Variants in CADM2 observed in about 807,000 individuals in gnomAD.
The protein encoded by CADM2 is cell adhesion molecule 2.
CADM2 carries 12 observed loss-of-function variants against 49.8 expected under a neutral mutation model. The ratio of observed to expected loss-of-function variants is 0.24; its 90% CI spans 0.15 to 0.39. The LOEUF is 0.39. CADM2 is among the 10% of genes least tolerant of loss of function. The probability of loss-of-function intolerance (pLI) is 1.00; values close to 1 mark genes in which losing one functional copy is unlikely to be tolerated. For synonymous variants in CADM2, 214 were observed against 175.4 expected (o/e 1.22, Z -1.74); for missense variants, 378 against 492.3 (o/e 0.77, Z 2.20).
Position 85,737,562 on chromosome 3 carries a change from CT to C in CADM2, c.88+11027del, listed in dbSNP as rs3044022. 1.0e-3 allele frequency among the ~76,000 whole-genome samples: 143 copies of C among 141,730 alleles called. 1 individual carries two copies. The South Asian group carries it at 0.012, about 12-fold the overall frequency. 93.0% of individuals were successfully genotyped at this position (141,730 alleles called of 152,430 possible). On this transcript the variant is annotated intron_variant, in intron 2 of 9. Coordinates refer to ENST00000383699, the MANE Select transcript of CADM2 (RefSeq NM_001167675.2). ...ATTAATTTAATTCATTCTTTTCTTT[CT>C]TTTTTTTTTTTTGAGACGGAGTTTC...
intron 1 of CADM2, among the ~76,000 whole-genome samples, chr3:85,477,826 A>C (rs2039041897): frequency 6.6e-6 from 1 of 151,920 alleles, no homozygotes; most frequent in Non-Finnish European, 1.5e-5. Context: ...ATTTAGCAGA[A>C]ACTCCATCTG....
At chr3:85,513,695 T>C (rs1328611648) in intron 1 of CADM2, among the ~76,000 whole-genome samples, 1 of 152,042 alleles carries the variant, frequency 6.6e-6, no homozygotes, top group Non-Finnish European at 1.5e-5. Context: ...TTCCAGTTAA[T>C]TGATGCTTTA....
chr3:85,852,115 T>G (rs2075131246), intron 3 of CADM2, among the ~76,000 whole-genome samples: 1 of 152,110 alleles, frequency 6.6e-6, no homozygotes, highest in Admixed American at 6.5e-5. Flanking sequence ...TAATCTGTAA[T>G]GAGTTGGATT....
chr3:85,620,980 T>C (rs533822247), intron 1 of CADM2, among the ~76,000 whole-genome samples: 1 of 152,276 alleles, frequency 6.6e-6, no homozygotes, highest in East Asian at 1.9e-4. Context: ...AGACTTCCAC[T>C]TTTAATTAAG....
chr3:85,162,748 C>T (rs1163300363), intron 1 of CADM2, among the ~76,000 whole-genome samples: 1 of 151,768 alleles, frequency 6.6e-6, no homozygotes, highest in East Asian at 1.9e-4. Context: ...GGAATTTTAA[C>T]TTTTGCCTAT....
chr3:85,416,756 T>A (rs2035938987), intron 1 of CADM2, among the ~76,000 whole-genome samples: 1 of 152,186 alleles, frequency 6.6e-6, no homozygotes. Flanking sequence ...TAAGTCTATA[T>A]GTATACACAT....
At position 85,448,281 on chromosome 3, in the gene CADM2, C is replaced by G. The variant is rs1268771287; in HGVS notation, c.62-278241C>G. ...CCGGAAGGCGGAGCTTGCAGTGAGC[C>G]GAGATCGCGCCACTGCACTCCAGCC... On this transcript the variant is annotated intron_variant, in intron 1 of 9. Transcript: ENST00000383699. 3.5e-5 allele frequency among the ~76,000 whole-genome samples: 5 copies of G among 144,836 alleles called. No homozygotes were observed. The South Asian group carries it at 6.5e-4, about 19-fold the overall frequency.
intron 8 of CADM2, among the ~76,000 whole-genome samples, chr3:85,995,071 A>T (rs1729222646): frequency 6.6e-6 from 1 of 150,634 alleles, no homozygotes; most frequent in Non-Finnish European, 1.5e-5. Flanking sequence ...GAAGCACAAT[A>T]AAATGAAATA....
At chr3:85,810,393 C>T (rs1448611) in intron 3 of CADM2, among the ~76,000 whole-genome samples, 8,049 of 152,152 alleles carry the variant, frequency 0.053, 364 homozygotes, top group East Asian at 0.19. Flanking sequence ...GAGATTTCTA[C>T]ATACCCAATT....
intron 1 of CADM2, among the ~76,000 whole-genome samples, chr3:85,708,712 G>A (rs2107731255): frequency 6.6e-6 from 1 of 152,140 alleles, no homozygotes; most frequent in Non-Finnish European, 1.5e-5. Context: ...TTCCAGTTTT[G>A]GCTTTTATTT....
At chr3:85,660,411 A>G (rs776079831) in intron 1 of CADM2, among the ~76,000 whole-genome samples, 3 of 151,154 alleles carry the variant, frequency 2.0e-5, no homozygotes, top group Non-Finnish European at 3.0e-5. Flanking sequence ...GTCCAGATCA[A>G]AGGAATTTAT....
intron 2 of CADM2, among the ~76,000 whole-genome samples, chr3:85,726,850 C>T (rs1168958945): frequency 3.3e-5 from 5 of 151,838 alleles, no homozygotes; most frequent in Admixed American, 3.3e-4. Flanking sequence ...CCTTAGTTTC[C>T]TTGATAAAAT....
At chr3:85,293,281 T>C (rs1306580629) in intron 1 of CADM2, among the ~76,000 whole-genome samples, 1 of 151,872 alleles carries the variant, frequency 6.6e-6, no homozygotes, top group Non-Finnish European at 1.5e-5. Flanking sequence ...GGATCTGAAA[T>C]TGTGGCAATA....
At chr3:85,755,354 A>ATGCT (rs1022345947) in intron 2 of CADM2, among the ~76,000 whole-genome samples, 7 of 152,154 alleles carry the variant, frequency 4.6e-5, no homozygotes, top group African/African-American at 1.7e-4. Context: ...AATGGAAAAG[A>ATGCT]TGCTTTAAAA....
intron 5 of CADM2, among the ~76,000 whole-genome samples, chr3:85,891,094 A>T (rs544988067): frequency 6.6e-6 from 1 of 152,282 alleles, no homozygotes; most frequent in East Asian, 1.9e-4. Flanking sequence ...TATCCCCTTT[A>T]TGAGAGTTTT....
intron 1 of CADM2, among the ~76,000 whole-genome samples, chr3:85,098,803 T>A (rs2037902687): frequency 6.6e-6 from 1 of 152,168 alleles, no homozygotes; most frequent in Admixed American, 6.5e-5. Context: ...GTATTTTTGA[T>A]CCATGTTTGG....
chr3:86,057,565 A>C (rs2107367522), intron 8 of CADM2, among the ~76,000 whole-genome samples: 1 of 152,312 alleles, frequency 6.6e-6, no homozygotes, highest in South Asian at 2.1e-4. Flanking sequence ...ACTGTGTAAA[A>C]GTGCTGTTAC....
chr3:85,572,216 G>C (rs1365249382), intron 1 of CADM2, among the ~76,000 whole-genome samples: 1 of 152,162 alleles, frequency 6.6e-6, no homozygotes, highest in East Asian at 1.9e-4. Context: ...AGAACCACTT[G>C]AACCCAGGAG....
intron 1 of CADM2, among the ~76,000 whole-genome samples, chr3:84,984,372 A>C (rs1380548710): frequency 1.4e-5 from 2 of 145,218 alleles, no homozygotes; most frequent in African/African-American, 2.8e-5. Flanking sequence ...AAAAAAAAAA[A>C]AAAAAAAAAA....
Sources: allele counts gnomAD v4.1 joint callset (sites outside exome capture counted in the v4.1 genomes callset), GRCh38; gene constraint gnomAD v4.1.1; transcripts MANE v1.5; gene names NCBI Gene and HGNC (gene_info 2026-07-23, HGNC 2026-07-21).